Variants in ABCB1 observed in about 807,000 individuals in gnomAD.
The protein encoded by ABCB1 is ATP-dependent translocase ABCB1.
ABCB1 carries 69 observed loss-of-function variants against 142.0 expected under a neutral mutation model. That is an observed-to-expected ratio of 0.49 (90% CI 0.40 to 0.59). The LOEUF (loss-of-function observed/expected upper bound fraction) is 0.59, where lower values mean the gene tolerates loss of function less well. Ranked by LOEUF, ABCB1 falls within the 20% of genes least tolerant of loss-of-function variation. ABCB1 has a pLI of 0.00. For synonymous variants in ABCB1, 532 were observed against 539.2 expected (o/e 0.99, Z 0.18); for missense variants, 1,326 against 1,554.7 (o/e 0.85, Z 2.47).
At chr7:87,610,882 G>C (rs745909192) in intron 1 of ABCB1, among the ~76,000 whole-genome samples, 47 of 152,134 alleles carry the variant, frequency 3.1e-4, no homozygotes, top group Admixed American at 9.8e-4. Flanking sequence ...GAAACCTGGA[G>C]GAAGGGGAGA....
chr7:87,566,061 T>A lies in ABCB1; in HGVS notation c.702+9A>T. On this transcript the variant is annotated intron_variant, in intron 7 of 27. Coordinates refer to ENST00000622132, the MANE Select transcript of ABCB1 (RefSeq NM_001348946.2). ...CAGTTCAAAATCTGGATTCACAGGC[T>A]TCACCTACCTTTGCCCAGACAGCAG... 5.6e-6 allele frequency: 9 copies of A among 1,614,106 alleles called. No individual in the cohort carries two copies. Among genetic ancestry groups the A allele is most frequent in the Non-Finnish European group, 7.6e-6 (9 of 1,179,992 alleles).
At chr7:87,532,079 A>G (rs182523925) in intron 20 of ABCB1, among the ~76,000 whole-genome samples, 1 of 152,304 alleles carries the variant, frequency 6.6e-6, no homozygotes, top group Admixed American at 6.5e-5. Flanking sequence ...CTCTAAAGCC[A>G]GAAGTCAAAC....
chr7:87,567,372 T>C (rs559508561), intron 5 of ABCB1, among the ~76,000 whole-genome samples: 1 of 152,280 alleles, frequency 6.6e-6, no homozygotes, highest in Admixed American at 6.5e-5. Context: ...GATGGTGTGG[T>C]ATATTGGGGA....
At chr7:87,605,036 C>G (rs1184373230), upstream of ABCB1, among the ~76,000 whole-genome samples, 4 of 152,194 alleles carry the variant, frequency 2.6e-5, no homozygotes, top group Non-Finnish European at 4.4e-5. Context: ...GAGAGTATGA[C>G]ATCAGAGGCA....
chr7:87,535,786 A>C (rs1301550189), intron 20 of ABCB1, among the ~76,000 whole-genome samples: 2 of 152,188 alleles, frequency 1.3e-5, no homozygotes, highest in Non-Finnish European at 2.9e-5. Context: ...GATAAGGTTC[A>C]AGAGGGGAAA....
chr7:87,570,296 ATCAAACTCATTTCAT>A, intron 4 of ABCB1, 73 bp from the exon 5 acceptor site: 1 of 1,357,906 alleles, frequency 7.4e-7, no homozygotes, highest in Non-Finnish European at 1.1e-6. Flanking sequence ...GTAAAAATGA[ATCAAACTCATTTCAT>A]TTAATGATTT....
At chr7:87,568,860 A>G (rs552959711) in intron 5 of ABCB1, among the ~76,000 whole-genome samples, 10 of 152,362 alleles carry the variant, frequency 6.6e-5, no homozygotes, top group African/African-American at 2.4e-4. Context: ...CATCACAAGG[A>G]AAACTCATGC....
chr7:87,693,590 A>G (rs565365224), intron 1 of ABCB1, among the ~76,000 whole-genome samples: 3 of 152,198 alleles, frequency 2.0e-5, no homozygotes, highest in Admixed American at 6.6e-5. Context: ...GGTCTATTCT[A>G]CTCATCAGTT....
rs541264912 is a variant in ABCB1 at position 87,619,890 on chromosome 7, GTTA to G, written c.-330-18815_-330-18813del. Among the ~76,000 whole-genome samples, 54 of 152,062 alleles carry G rather than the reference GTTA, an allele frequency of 3.6e-4. 1 individual carries two copies. The South Asian group carries it at 0.011, about 32-fold the overall frequency. On this transcript the variant is annotated intron_variant, in intron 1 of 28. Coordinates refer to the ABCB1 transcript ENST00000265724. ...CGATCATTAATATCATTGTCATTTTGTTATATTTTAAGCTTGCATAAGCAGAAT... is the reference window on the plus strand; with the variant it reads ...CGATCATTAATATCATTGTCATTTTGTATTTTAAGCTTGCATAAGCAGAAT...
At chr7:87,504,698 G>A (rs919156770) in intron 27 of ABCB1, among the ~76,000 whole-genome samples, 6 of 152,016 alleles carry the variant, frequency 3.9e-5, no homozygotes, top group South Asian at 2.1e-4. Context: ...CCAGCTAGTC[G>A]GGAGGCTGAG....
chr7:87,566,064 A>G lies in ABCB1; in HGVS notation c.702+6T>C, dbSNP rs1258992204. 1 of 1,614,174 alleles carries G rather than the reference A, an allele frequency of 6.2e-7. No homozygotes were observed. Among genetic ancestry groups the G allele is most frequent in the Non-Finnish European group, 8.5e-7 (1 of 1,180,014 alleles). On this transcript the variant is annotated splice_donor_region_variant and intron_variant, in intron 7 of 27. Coordinates refer to ENST00000622132, the MANE Select transcript of ABCB1 (RefSeq NM_001348946.2). The stretch of plus-strand genomic sequence containing the variant: ...TTCAAAATCTGGATTCACAGGCTTC[A>G]CCTACCTTTGCCCAGACAGCAGCTG...
At chr7:87,641,687 C>A (rs1363515197) in intron 1 of ABCB1, among the ~76,000 whole-genome samples, 1 of 152,182 alleles carries the variant, frequency 6.6e-6, no homozygotes, top group Non-Finnish European at 1.5e-5. Context: ...AAAAACAAAT[C>A]CTCCAAAATA....
intron 21 of ABCB1, among the ~76,000 whole-genome samples, chr7:87,529,718 TAG>T (rs1405046857): frequency 1.3e-5 from 2 of 152,244 alleles, no homozygotes; most frequent in East Asian, 3.8e-4. Flanking sequence ...CACTGTTAAC[TAG>T]AATGCTTTCT....
intron 24 of ABCB1, 99 bp from the exon 25 acceptor site, chr7:87,515,527 T>C: frequency 9.4e-7 from 1 of 1,067,086 alleles, no homozygotes; most frequent in South Asian, 1.4e-5. Context: ...AGATAATTAA[T>C]TTGTGTTACA....
At chr7:87,683,458 T>C (rs1827132211) in intron 1 of ABCB1, among the ~76,000 whole-genome samples, 1 of 152,222 alleles carries the variant, frequency 6.6e-6, no homozygotes, top group African/African-American at 2.4e-5. Flanking sequence ...GTGAGATATA[T>C]GCCACTCTTC....
At chr7:87,625,816 T>C (rs1165951144) in intron 1 of ABCB1, among the ~76,000 whole-genome samples, 2 of 152,064 alleles carry the variant, frequency 1.3e-5, no homozygotes, top group Non-Finnish European at 2.9e-5. Flanking sequence ...GTCACAAACA[T>C]CCATATATAG....
At chr7:87,658,454 A>G (rs1250489275) in intron 1 of ABCB1, among the ~76,000 whole-genome samples, 2 of 152,222 alleles carry the variant, frequency 1.3e-5, no homozygotes, top group East Asian at 1.9e-4. Flanking sequence ...GAGAGAAGAA[A>G]GAAGGTGGGA....
rs956529657 is a variant in ABCB1, at chr7:87,516,957, G to A, written c.2928-292C>T. Among the ~76,000 whole-genome samples, 19 of 151,906 alleles carry A rather than the reference G, an allele frequency of 1.3e-4. 1 individual carries two copies. The South Asian group carries it at 3.1e-3, about 25-fold the overall frequency. Reference sequence around the variant, plus strand: ...TCCCTATATTGCCCAGGCTGGTCTCGAACTACCGGGCTGAAGTGAACCTCC... The same window carrying A: ...TCCCTATATTGCCCAGGCTGGTCTCAAACTACCGGGCTGAAGTGAACCTCC... On this transcript the variant is annotated intron_variant, in intron 23 of 27. Coordinates refer to ENST00000622132, the MANE Select transcript of ABCB1 (RefSeq NM_001348946.2).
intron 4 of ABCB1, among the ~76,000 whole-genome samples, chr7:87,573,739 A>G (rs900552625): frequency 3.3e-5 from 5 of 152,202 alleles, no homozygotes; most frequent in Middle Eastern, 3.2e-3. Flanking sequence ...TGTTTAAAGT[A>G]CCAACAATGA....
Sources: allele counts gnomAD v4.1 joint callset (sites outside exome capture counted in the v4.1 genomes callset), GRCh38; gene constraint gnomAD v4.1.1; transcripts MANE v1.5; gene names NCBI Gene and HGNC (gene_info 2026-07-23, HGNC 2026-07-21).